SUPT3H: variants seen among roughly 807,000 people sequenced by gnomAD.
SUPT3H encodes SPT3 homolog, SAGA and STAGA complex component, also known as transcription initiation protein SPT3 homolog.
Under a neutral mutation model 44.3 loss-of-function variants are expected in SUPT3H, and 44 were observed. The ratio of observed to expected loss-of-function variants is 0.99; its 90% confidence interval spans 0.78 to 1.28. The LOEUF (loss-of-function observed/expected upper bound fraction) is 1.28, where lower values mean the gene tolerates loss of function less well. SUPT3H is among the 50% of genes most tolerant of loss of function. SUPT3H has a pLI of 0.00. For missense variants in SUPT3H, 380 were observed against 387.1 expected, an observed-to-expected ratio of 0.98 and a Z score of 0.15; for synonymous variants, 124 against 125.6, an observed-to-expected ratio of 0.99 and a Z score of 0.09.
chr6:45,015,343 T>C (rs1784085642), intron 4 of SUPT3H, among the ~76,000 whole-genome samples: 3 of 152,086 alleles, frequency 2.0e-5, no homozygotes, highest in Admixed American at 2.0e-4. Context: ...TTTCTAAATA[T>C]ACAAAAATTA....
chr6:44,979,600 T>C (rs1448854521), intron 6 of SUPT3H, among the ~76,000 whole-genome samples: 2 of 152,130 alleles, frequency 1.3e-5, no homozygotes, highest in Admixed American at 6.5e-5. Context: ...GAATTGACAG[T>C]GAAAGCCCAC....
At chr6:44,919,168 CA>C (rs1768258116) in intron 10 of SUPT3H, among the ~76,000 whole-genome samples, 1 of 152,108 alleles carries the variant, frequency 6.6e-6, no homozygotes, top group Non-Finnish European at 1.5e-5. Flanking sequence ...GTTTCTTTTT[CA>C]GGGGGCGTGG....
chr6:44,834,472 CACA>C (rs1430772616), intron 10 of SUPT3H, among the ~76,000 whole-genome samples: 1 of 152,084 alleles, frequency 6.6e-6, no homozygotes, highest in Non-Finnish European at 1.5e-5. Flanking sequence ...GTCTGACTGC[CACA>C]ACATGTTTAA....
intron 2 of SUPT3H, among the ~76,000 whole-genome samples, chr6:45,202,655 C>T (rs1762611876): frequency 6.6e-6 from 1 of 152,030 alleles, no homozygotes. Flanking sequence ...ACTACTCGTA[C>T]TATCAAAATC....
chr6:44,993,459 T>C lies in SUPT3H; in HGVS notation c.504+10194A>G, dbSNP rs73737809. Among the ~76,000 whole-genome samples, 594 of 151,668 alleles carry C rather than the reference T, an allele frequency of 3.9e-3. 7 individuals carry two copies. The highest frequency in any genetic ancestry group is 0.014 in the African/African-American group (566 of 41,466). On this transcript the variant is annotated intron_variant, in intron 6 of 10. Transcript: ENST00000371459. Reference sequence around the variant, plus strand: ...GAAAAATGCCTTCTCCAGAAGGCACTTTCCCCAATTTTAGACAAGCACTTA... The same window carrying C: ...GAAAAATGCCTTCTCCAGAAGGCACCTTCCCCAATTTTAGACAAGCACTTA...
chr6:45,083,253 G>A (rs1421266850), intron 3 of SUPT3H, among the ~76,000 whole-genome samples: 4 of 151,510 alleles, frequency 2.6e-5, no homozygotes, highest in East Asian at 1.9e-4. Context: ...GTGCAGTGGC[G>A]TTATCTCGGC....
chr6:45,218,780 A>G (rs866139854), intron 2 of SUPT3H, among the ~76,000 whole-genome samples: 32 of 152,262 alleles, frequency 2.1e-4, no homozygotes, highest in Middle Eastern at 3.4e-3. Context: ...AGAAAATCTG[A>G]ACAACACACT....
At chr6:45,308,808 AG>A (rs1019085551) in intron 2 of SUPT3H, among the ~76,000 whole-genome samples, 3 of 151,884 alleles carry the variant, frequency 2.0e-5, no homozygotes, top group African/African-American at 7.2e-5. Flanking sequence ...AAAAAAAAAA[AG>A]GTGCACAATT....
At chr6:45,231,278 G>C (rs1375708704) in intron 2 of SUPT3H, among the ~76,000 whole-genome samples, 3 of 152,144 alleles carry the variant, frequency 2.0e-5, no homozygotes, top group African/African-American at 7.2e-5. Flanking sequence ...TGTAAGATAG[G>C]TGTAGTAGTG....
chr6:45,209,337 A>G (rs974107075), intron 2 of SUPT3H, among the ~76,000 whole-genome samples: 2 of 152,188 alleles, frequency 1.3e-5, no homozygotes, highest in Non-Finnish European at 1.5e-5. Flanking sequence ...AACCCTCTGG[A>G]AAGGAGTCAC....
chr6:44,916,674 C>T (rs966398274), intron 10 of SUPT3H, among the ~76,000 whole-genome samples: 7 of 152,148 alleles, frequency 4.6e-5, no homozygotes, highest in African/African-American at 1.7e-4. Context: ...CTGGGCTTCC[C>T]TTTGTGATTC....
chr6:45,214,237 A>G (rs972710546), intron 2 of SUPT3H, among the ~76,000 whole-genome samples: 4 of 152,004 alleles, frequency 2.6e-5, no homozygotes, highest in Non-Finnish European at 5.9e-5. Context: ...CACATTCTCA[A>G]TCCATGCTGA....
intron 2 of SUPT3H, chr6:45,159,601 A>C (rs1322195616): frequency 1.3e-5 from 2 of 152,180 alleles, no homozygotes; most frequent in Non-Finnish European, 2.9e-5. Context: ...GTTTCTGAAC[A>C]GTCAGAGATC....
chr6:44,933,889 C>T (rs1001005974), intron 9 of SUPT3H, among the ~76,000 whole-genome samples: 1 of 152,174 alleles, frequency 6.6e-6, no homozygotes, highest in Non-Finnish European at 1.5e-5. Flanking sequence ...CTGAAGTGAT[C>T]CTCCTGACTC....
intron 2 of SUPT3H, among the ~76,000 whole-genome samples, chr6:45,302,043 C>G (rs1209345387): frequency 6.6e-6 from 1 of 152,148 alleles, no homozygotes; most frequent in East Asian, 1.9e-4. Context: ...GCCCAGTTTA[C>G]CTGGAGCCAG....
chr6:45,146,082 G>C (rs1193646517), intron 2 of SUPT3H, among the ~76,000 whole-genome samples: 2 of 152,060 alleles, frequency 1.3e-5, no homozygotes, highest in African/African-American at 4.8e-5. Context: ...ACATAAACTA[G>C]TACAACCACT....
At chr6:45,280,635 T>G (rs1777851726) in intron 2 of SUPT3H, among the ~76,000 whole-genome samples, 1 of 152,198 alleles carries the variant, frequency 6.6e-6, no homozygotes, top group East Asian at 1.9e-4. Flanking sequence ...TTCAATATAT[T>G]CAGAACACGT....
In SUPT3H at chr6:44,919,662, A is replaced by G. The variant is rs75952751; in HGVS notation, c.912+12991T>C. On this transcript the variant is annotated intron_variant, in intron 10 of 10. Coordinates refer to ENST00000371459, the MANE Select transcript of SUPT3H (RefSeq NM_003599.4). ...CATTCAGCCAAATTGTAAACTTGCT[A>G]TTTTTTTATTCTTCTCTCACTCAGG... 5.4e-3 allele frequency among the ~76,000 whole-genome samples: 821 copies of G among 152,094 alleles called. 12 individuals are homozygous for G. Among genetic ancestry groups the G allele is most frequent in the African/African-American group, 0.019 (789 of 41,470 alleles).
intron 2 of SUPT3H, among the ~76,000 whole-genome samples, chr6:45,271,440 G>A (rs531181603): frequency 1.7e-4 from 26 of 152,252 alleles, no homozygotes; most frequent in Middle Eastern, 3.4e-3. Flanking sequence ...GGTATAGCTC[G>A]GGCTGTGGCT....
Sources: allele counts gnomAD v4.1 joint callset (sites outside exome capture counted in the v4.1 genomes callset), GRCh38; gene constraint gnomAD v4.1.1; transcripts MANE v1.5; gene names NCBI Gene and HGNC (gene_info 2026-07-23, HGNC 2026-07-21).